The following UST variants were observed in gnomAD, a reference collection of about 807,000 sequenced individuals.
UST encodes the protein chondroitin sulfate 2-O-sulfotransferase.
In UST, 21 loss-of-function variants were observed where a neutral mutation model predicts 45.6. The ratio of observed to expected loss-of-function variants is 0.46; its 90% CI spans 0.33 to 0.66. The LOEUF is 0.66. UST is among the 30% of genes least tolerant of loss of function. UST has a pLI of 0.02. For missense variants in UST, 463 were observed against 512.4 expected, an observed-to-expected ratio of 0.90 and a Z score of 0.93; for synonymous variants, 215 against 200.6, an observed-to-expected ratio of 1.07 and a Z score of -0.61.
intron 7 of UST, among the ~76,000 whole-genome samples, chr6:149,032,296 A>G (rs1472055408): frequency 6.6e-6 from 1 of 151,732 alleles, no homozygotes; most frequent in Non-Finnish European, 1.5e-5. Flanking sequence ...GGATCCTCCC[A>G]GGCCCCCATC....
At chr6:148,820,572 C>T (rs944731858) in intron 1 of UST, among the ~76,000 whole-genome samples, 2 of 151,906 alleles carry the variant, frequency 1.3e-5, no homozygotes, top group East Asian at 3.9e-4. Flanking sequence ...TATCCCAGGC[C>T]GGGCACGGTG....
intron 1 of UST, among the ~76,000 whole-genome samples, chr6:148,854,213 G>A (rs1778159792): frequency 6.6e-6 from 1 of 152,212 alleles, no homozygotes; most frequent in Non-Finnish European, 1.5e-5. Context: ...CTGTCCTGGA[G>A]CTGCACACCT....
intron 5 of UST, among the ~76,000 whole-genome samples, chr6:149,010,913 A>AAAAAAC (rs1554234083): frequency 5.4e-5 from 5 of 93,002 alleles, no homozygotes; most frequent in African/African-American, 8.7e-5. Flanking sequence ...AAAAAAAAAA[A>AAAAAAC]AAAAAACTGT....
intron 7 of UST, among the ~76,000 whole-genome samples, chr6:149,043,068 T>C (rs941974195): frequency 7.9e-5 from 12 of 151,042 alleles, no homozygotes; most frequent in African/African-American, 2.9e-4. Flanking sequence ...TTTCCTTCTT[T>C]CTTTCTTTCT....
chr6:148,863,127 G>T (rs1052132449), intron 1 of UST, among the ~76,000 whole-genome samples: 1 of 152,100 alleles, frequency 6.6e-6, no homozygotes, highest in Non-Finnish European at 1.5e-5. Flanking sequence ...GTCACTTTCA[G>T]GTACACCAAT....
rs528721190 is a variant in UST at position 148,966,348 on chromosome 6, CTAAT to C, written c.681+1788_681+1791del. ...AAACACTACAAGAATAATGTCTTCT[CTAAT>C]TATCTTTATTATTTGTTTTGGATCT... On this transcript the variant is annotated intron_variant, in intron 5 of 7. Transcript: ENST00000367463. Among the ~76,000 whole-genome samples, 263 of 152,226 alleles carry C rather than the reference CTAAT, an allele frequency of 1.7e-3. 2 individuals are homozygous for C. In the Middle Eastern group the frequency reaches 0.027, roughly 16 times the overall value.
chr6:149,039,635 G>A (rs1776283211), intron 7 of UST, among the ~76,000 whole-genome samples: 1 of 152,252 alleles, frequency 6.6e-6, no homozygotes, highest in African/African-American at 2.4e-5. Context: ...GGCAGAGTCT[G>A]TCTGGCTCCA....
chr6:148,983,121 GT>G (rs909553863), intron 5 of UST, among the ~76,000 whole-genome samples: 1 of 152,158 alleles, frequency 6.6e-6, no homozygotes, highest in African/African-American at 2.4e-5. Context: ...TTAACACCAA[GT>G]TTTCAAAGGG....
At chr6:148,915,500 T>G (rs924720462) in intron 2 of UST, among the ~76,000 whole-genome samples, 4 of 151,388 alleles carry the variant, frequency 2.6e-5, no homozygotes, top group Admixed American at 2.0e-4. Flanking sequence ...CAAGGATGTC[T>G]GCATATTTCA....
intron 1 of UST, among the ~76,000 whole-genome samples, chr6:148,856,084 T>G (rs1778199014): frequency 1.3e-5 from 2 of 152,192 alleles, no homozygotes; most frequent in African/African-American, 4.8e-5. Flanking sequence ...TAACGCGATC[T>G]TGGCTCACTA....
At chr6:148,751,333 C>T (rs1444721631) in intron 1 of UST, among the ~76,000 whole-genome samples, 5 of 152,312 alleles carry the variant, frequency 3.3e-5, no homozygotes, top group Middle Eastern at 3.4e-3. Context: ...GACCAGCCAA[C>T]GGCACCCACC....
intron 5 of UST, among the ~76,000 whole-genome samples, chr6:148,993,322 C>G (rs1043948521): frequency 6.6e-6 from 1 of 151,818 alleles, no homozygotes; most frequent in African/African-American, 2.4e-5. Context: ...GCATAATAGT[C>G]TAGTACCGTT....
At chr6:148,762,423 C>G (rs768197967) in intron 1 of UST, among the ~76,000 whole-genome samples, 1 of 152,122 alleles carries the variant, frequency 6.6e-6, no homozygotes. Context: ...CACTCTGTCT[C>G]TGACCCAAAC....
At chr6:149,031,750 G>A (rs1776146329) in intron 7 of UST, among the ~76,000 whole-genome samples, 1 of 152,202 alleles carries the variant, frequency 6.6e-6, no homozygotes, top group African/African-American at 2.4e-5. Flanking sequence ...AACACCTCCA[G>A]CAAATAAATA....
At chr6:148,854,678 G>C (rs187208091) in intron 1 of UST, among the ~76,000 whole-genome samples, 200 of 152,196 alleles carry the variant, frequency 1.3e-3, no homozygotes, top group African/African-American at 4.7e-3. Flanking sequence ...AAGGATAGCT[G>C]GGGGAGGGCT....
chr6:148,788,994 G>A (rs192687814), intron 1 of UST, among the ~76,000 whole-genome samples: 1 of 152,278 alleles, frequency 6.6e-6, no homozygotes, highest in East Asian at 1.9e-4. Flanking sequence ...AGTCCATGTA[G>A]CTACCTATGC....
intron 5 of UST, among the ~76,000 whole-genome samples, chr6:148,983,645 C>G (rs1447460950): frequency 6.6e-6 from 1 of 152,044 alleles, no homozygotes; most frequent in Non-Finnish European, 1.5e-5. Flanking sequence ...CCAGGAAAAG[C>G]GAATGTAGGA....
intron 2 of UST, among the ~76,000 whole-genome samples, chr6:148,936,401 A>T (rs1582908381): frequency 6.6e-6 from 1 of 152,248 alleles, no homozygotes; most frequent in Middle Eastern, 3.4e-3. Context: ...AGTTACTTGG[A>T]TGCTACTAAT....
At chr6:148,890,561 G>A (rs1009818041) in intron 2 of UST, among the ~76,000 whole-genome samples, 13 of 152,232 alleles carry the variant, frequency 8.5e-5, no homozygotes, top group Admixed American at 7.2e-4. Flanking sequence ...CGTTACAGGC[G>A]AGTTCTCATT....
Sources: allele counts gnomAD v4.1 joint callset (sites outside exome capture counted in the v4.1 genomes callset), GRCh38; gene constraint gnomAD v4.1.1; transcripts MANE v1.5; gene names NCBI Gene and HGNC (gene_info 2026-07-23, HGNC 2026-07-21).